The following HMGCLL1 variants were observed in gnomAD, a reference collection of about 807,000 sequenced individuals.
The protein encoded by HMGCLL1 is 3-hydroxymethyl-3-methylglutaryl-CoA lyase, cytoplasmic.
Under a neutral mutation model 39.1 loss-of-function variants are expected in HMGCLL1, and 36 were observed. The ratio of observed to expected loss-of-function variants is 0.92; its 90% CI spans 0.71 to 1.22. The LOEUF (loss-of-function observed/expected upper bound fraction) is 1.22. Among genes scored for constraint, HMGCLL1 ranks in the 50% most tolerant of loss-of-function variants. The pLI, the probability that HMGCLL1 is intolerant of heterozygous loss-of-function variation, is 0.00. For synonymous variants in HMGCLL1, 149 were observed against 144.0 expected (o/e 1.03, Z -0.25); for missense variants, 451 against 416.5 (o/e 1.08, Z -0.72).
chr6:55,636,518 C>A, the HMGCLL1 span, among the ~76,000 whole-genome samples: 1 of 152,132 alleles, frequency 6.6e-6, no homozygotes, highest in Non-Finnish European at 1.5e-5. Flanking sequence ...CAACCTAAAT[C>A]TTTTAAATTC....
chr6:55,586,934 C>T, the HMGCLL1 span, among the ~76,000 whole-genome samples: 100,804 of 151,836 alleles, frequency 0.66, 34,267 homozygotes, highest in East Asian at 0.9. Flanking sequence ...CTGGGTCAAA[C>T]GGTATTTCTA....
At chr6:55,486,855 A>G (rs1489743386) in intron 7 of HMGCLL1, among the ~76,000 whole-genome samples, 1 of 152,090 alleles carries the variant, frequency 6.6e-6, no homozygotes, top group African/African-American at 2.4e-5. Context: ...GTCCACGATA[A>G]AAGTGCTGGC....
chr6:55,660,732 C>A, the HMGCLL1 span, among the ~76,000 whole-genome samples: 3 of 151,788 alleles, frequency 2.0e-5, no homozygotes, highest in Non-Finnish European at 4.4e-5. Context: ...GGTATATAAC[C>A]TGTAATGGGA....
intron 7 of HMGCLL1, among the ~76,000 whole-genome samples, chr6:55,445,682 CTG>C (rs1581788230): frequency 2.6e-5 from 4 of 151,708 alleles, no homozygotes; most frequent in Admixed American, 2.0e-4. Context: ...GACTGTATGT[CTG>C]TGTGTGTGTG....
chr6:55,613,352 T>C, the HMGCLL1 span, among the ~76,000 whole-genome samples: 1 of 152,182 alleles, frequency 6.6e-6, no homozygotes, highest in Non-Finnish European at 1.5e-5. Context: ...GGTAGGAATG[T>C]AAATTAGTTC....
chr6:55,640,114 G>T, the HMGCLL1 span, among the ~76,000 whole-genome samples: 1 of 151,910 alleles, frequency 6.6e-6, no homozygotes, highest in Non-Finnish European at 1.5e-5. Flanking sequence ...AAGAAAAAGG[G>T]AAAGAAGAAG....
chr6:55,622,529 T>C, the HMGCLL1 span, among the ~76,000 whole-genome samples: 1 of 152,086 alleles, frequency 6.6e-6, no homozygotes, highest in Non-Finnish European at 1.5e-5. Flanking sequence ...GAGATGATCA[T>C]ATAGTTTTTG....
At chr6:55,627,289 T>C in the HMGCLL1 span, among the ~76,000 whole-genome samples, 4 of 152,106 alleles carry the variant, frequency 2.6e-5, no homozygotes, top group Non-Finnish European at 5.9e-5. Context: ...TTTTCCTTTA[T>C]TATGTGACAT....
the HMGCLL1 span, among the ~76,000 whole-genome samples, chr6:55,644,511 T>C: frequency 6.6e-6 from 1 of 152,080 alleles, no homozygotes; most frequent in East Asian, 1.9e-4. Flanking sequence ...TGTTTTCTTG[T>C]AGCAGTTTCA....
chr6:55,641,659 G>A, the HMGCLL1 span, among the ~76,000 whole-genome samples: 1 of 151,710 alleles, frequency 6.6e-6, no homozygotes, highest in Non-Finnish European at 1.5e-5. Context: ...ATTTATTTTT[G>A]TATATCTTCC....
chr6:55,543,463 TATATATCATATATA>T (rs1389321847), intron 1 of HMGCLL1, among the ~76,000 whole-genome samples: 2 of 7,690 alleles, frequency 2.6e-4, no homozygotes, highest in South Asian at 4.3e-3. Flanking sequence ...ATATATATCA[TATATATCATATATA>T]ATATATATAT....
the HMGCLL1 span, among the ~76,000 whole-genome samples, chr6:55,664,575 T>G: frequency 6.6e-6 from 1 of 151,802 alleles, no homozygotes; most frequent in Non-Finnish European, 1.5e-5. Context: ...TTTAAGTATT[T>G]TGATTTAGCT....
At chr6:55,551,129 A>T (rs984409723) in intron 1 of HMGCLL1, among the ~76,000 whole-genome samples, 1 of 151,816 alleles carries the variant, frequency 6.6e-6, no homozygotes, top group Non-Finnish European at 1.5e-5. Flanking sequence ...AGAACTATAT[A>T]AAGTAATTCA....
the HMGCLL1 span, among the ~76,000 whole-genome samples, chr6:55,668,663 G>A: frequency 6.6e-6 from 1 of 151,794 alleles, no homozygotes. Context: ...CTGAACTCAA[G>A]GCAGCCAAAA....
chr6:55,543,683 ATC>A (rs1364133627), intron 1 of HMGCLL1, among the ~76,000 whole-genome samples: 4 of 148,528 alleles, frequency 2.7e-5, no homozygotes, highest in Non-Finnish European at 5.9e-5. Context: ...GTGAAACCTC[ATC>A]TCTCTTAAAA....
upstream of HMGCLL1, among the ~76,000 whole-genome samples, chr6:55,581,915 C>G (rs1280555233): frequency 1.3e-5 from 2 of 152,058 alleles, no homozygotes; most frequent in Non-Finnish European, 2.9e-5. Flanking sequence ...AATGATTTTA[C>G]TATGTACAAA....
chr6:55,577,302 C>A lies in HMGCLL1; in HGVS notation c.108+1646G>T, dbSNP rs562221272. On this transcript the variant is annotated intron_variant, in intron 1 of 8. Coordinates refer to ENST00000274901, the MANE Select transcript of HMGCLL1 (RefSeq NM_001042406.2). The stretch of plus-strand genomic sequence containing the variant: ...AATTATTTTTAAAAATTCCCGAGAA[C>A]ACAAAAAGAAGCATAACTCTGGAGG... 91 of 1,218,260 alleles carry A rather than the reference C, an allele frequency of 7.5e-5. 4 individuals are homozygous for A. In the South Asian group the frequency reaches 1.4e-3, roughly 18 times the overall value. 75.5% of individuals were successfully genotyped at this position (1,218,260 alleles called of 1,614,324 possible).
At chr6:55,630,482 G>T in the HMGCLL1 span, among the ~76,000 whole-genome samples, 1 of 152,084 alleles carries the variant, frequency 6.6e-6, no homozygotes, top group Non-Finnish European at 1.5e-5. Context: ...TGTAAATGCT[G>T]AAATGAGTTA....
At position 55,553,174 on chromosome 6, in the gene HMGCLL1, T is replaced by TACAC. The variant is rs1279185188; in HGVS notation, c.109-11035_109-11034insGTGT. Among the ~76,000 whole-genome samples the TACAC allele has an allele frequency of 1.0e-2, 947 of 95,116 alleles. 8 individuals carry two copies. Among genetic ancestry groups the TACAC allele is most frequent in the African/African-American group, 0.034 (866 of 25,632 alleles). The allele number at this position is 95,116 out of a possible 152,430, so 62.4% of individuals were successfully genotyped here. On this transcript the variant is annotated intron_variant, in intron 1 of 8. Transcript: ENST00000274901. ...CTCTCTCTCTCTATATATATATATA[T>TACAC]ACATACACACACACACACACACACA...
Sources: gnomAD v4.1 joint callset for allele counts (sites outside exome capture counted in the v4.1 genomes callset) on GRCh38, gnomAD v4.1.1 for gene constraint, MANE v1.5 for transcripts, NCBI Gene and HGNC (gene_info 2026-07-23, HGNC 2026-07-21) for gene names.